Variants in KIR3DL1 observed in about 807,000 individuals in gnomAD.
The protein encoded by KIR3DL1 is killer cell immunoglobulin-like receptor 3DL1.
Under a neutral mutation model 40.3 loss-of-function variants are expected in KIR3DL1, and 50 were observed. The observed-to-expected ratio is 1.24, with a 90% CI of 0.99 to 1.57. The LOEUF is 1.57. KIR3DL1 is among the 40% of genes most tolerant of loss of function. The pLI is 0.00. For synonymous variants in KIR3DL1, 257 were observed against 207.2 expected, an observed-to-expected ratio of 1.24 and a Z score of -2.07; for missense variants, 661 against 559.9, an observed-to-expected ratio of 1.18 and a Z score of -1.82.
chr19:54,829,999 A>T lies in KIR3DL1; in HGVS notation c.1158+19A>T. Reference sequence around the variant, plus strand: ...CAGCGAGGTAGGTGCTCCTCGGCCCAGCCTCGTGGCTAGTGTTATTCCCAA... The same window carrying T: ...CAGCGAGGTAGGTGCTCCTCGGCCCTGCCTCGTGGCTAGTGTTATTCCCAA... On this transcript the variant is annotated intron_variant, in intron 8 of 8. Coordinates refer to ENST00000391728, the Ensembl canonical transcript of KIR3DL1. 6.5e-7 allele frequency: 1 copy of T among 1,528,980 alleles called. No individual in the cohort carries two copies. The allele number at this position is 1,528,980 out of a possible 1,614,324, so 94.7% of individuals were successfully genotyped here.
exon 9 of KIR3DL1, chr19:54,830,243 A>C: frequency 6.6e-7 from 1 of 1,512,930 alleles, no homozygotes. Flanking sequence ...TCCAAATGCT[A>C]AGCCCAGATC....
intron 5 of KIR3DL1, among the ~76,000 whole-genome samples, chr19:54,822,560 A>C (rs587848): frequency 0.19 from 27,902 of 149,640 alleles, 3,112 homozygotes; most frequent in South Asian, 0.32. Flanking sequence ...CCCAGGAGGC[A>C]GAGGTTGCAC....
chr19:54,821,887 C>T, intron 5 of KIR3DL1, 29 bp downstream of exon 5: 2 of 1,587,356 alleles, frequency 1.3e-6, no homozygotes, highest in South Asian at 1.1e-5. Flanking sequence ...TCTCTCATGT[C>T]CTATGATCCT....
Position 54,830,112 on chromosome 19 carries a change from A to T in KIR3DL1, c.1172A>T (p.Gln391Leu). The T allele has an allele frequency of 2.0e-6, 3 of 1,523,870 alleles. 1 individual carries two copies. Among genetic ancestry groups the T allele is most frequent in the Non-Finnish European group, 2.7e-6 (3 of 1,122,572 alleles). 94.4% of individuals were successfully genotyped at this position (1,523,870 alleles called of 1,614,324 possible). The change falls in exon 9 of 9, where the codon CAA (glutamine) becomes CTA (leucine). Residue 391 changes from glutamine to leucine, a missense_variant. Coordinates refer to ENST00000391728, the Ensembl canonical transcript of KIR3DL1. ...CCCTCTCTCCAGGACTCTGATGAACAAGACCCTGAGGAGGTGACATACGCA... is the reference window on the plus strand; with the variant it reads ...CCCTCTCTCCAGGACTCTGATGAACTAGACCCTGAGGAGGTGACATACGCA...
intron 4 of KIR3DL1, among the ~76,000 whole-genome samples, chr19:54,820,370 C>CT (rs1416805364): frequency 6.6e-6 from 1 of 151,284 alleles, no homozygotes; most frequent in African/African-American, 2.4e-5. Context: ...ACAAAGTGTT[C>CT]CTACCAGAAG....
At position 54,824,743 on chromosome 19, in the gene KIR3DL1, A is replaced by G. The variant is rs1438626946; in HGVS notation, c.950-285A>G. On this transcript the variant is annotated intron_variant, in intron 5 of 8. Transcript: ENST00000391728. ...ATATCTGTGTTCTCCATTCTGTTTC[A>G]TTTTTTATGTGCCTTTCTTTATGCC... 1.3e-5 allele frequency among the ~76,000 whole-genome samples: 2 copies of G among 149,592 alleles called. 1 individual carries two copies. Among genetic ancestry groups the G allele is most frequent in the African/African-American group, 5.0e-5 (2 of 40,290 alleles).
exon 9 of KIR3DL1, chr19:54,830,349 C>T: frequency 2.8e-6 from 4 of 1,412,948 alleles, no homozygotes; most frequent in South Asian, 2.6e-5. Flanking sequence ...TGCCAGCTCC[C>T]ATGTACCAGC....
At chr19:54,818,789 C>T (rs947293384) in intron 3 of KIR3DL1, among the ~76,000 whole-genome samples, 190 bp downstream of exon 3, 1 of 150,864 alleles carries the variant, frequency 6.6e-6, no homozygotes, top group African/African-American at 2.5e-5. Flanking sequence ...CATTGTAATC[C>T]CTGGAGCCTG....
rs1335065961 is a variant in KIR3DL1, at chr19:54,830,208, C to G, written c.1268C>G (p.Thr423Arg). ...TCTCAGAGGCCCAAGACACCCCCTACAGATACCATCTTGTACACGGAACTT... is the reference window on the plus strand; with the variant it reads ...TCTCAGAGGCCCAAGACACCCCCTAGAGATACCATCTTGTACACGGAACTT... Residue 423 changes from threonine (T) to arginine (R), a missense_variant, in exon 9 of 9, where the codon ACA (threonine) becomes AGA (arginine). Physicochemically the swap from Thr to Arg is moderately conservative, Grantham distance 71. Coordinates refer to ENST00000391728, the Ensembl canonical transcript of KIR3DL1. 2.2e-5 allele frequency: 34 copies of G among 1,524,166 alleles called. 7 individuals are homozygous for G. The highest frequency in any genetic ancestry group is 2.8e-5 in the Non-Finnish European group (32 of 1,122,896). The allele number at this position is 1,524,166 out of a possible 1,614,324, so 94.4% of individuals were successfully genotyped here.
chr19:54,818,767 C>T (rs2061487008), intron 3 of KIR3DL1, among the ~76,000 whole-genome samples, 168 bp downstream of exon 3: 2 of 150,932 alleles, frequency 1.3e-5, no homozygotes. Flanking sequence ...TCACTGTCCC[C>T]AATGATGGCT....
intron 5 of KIR3DL1, among the ~76,000 whole-genome samples, chr19:54,823,782 G>T (rs1170849854): frequency 6.6e-6 from 1 of 151,518 alleles, no homozygotes; most frequent in Non-Finnish European, 1.5e-5. Flanking sequence ...GTGAGCCACC[G>T]GCCTAAAAGG....
At chr19:54,818,488 A>G (rs1327227830) in exon 3 of KIR3DL1, 1 of 1,610,594 alleles carries the variant, frequency 6.2e-7, no homozygotes, top group Admixed American at 1.7e-5. Context: ...GAGCTTCAAC[A>G]TGAGCCCTGT....
intron 1 of KIR3DL1, among the ~76,000 whole-genome samples, chr19:54,816,856 C>A (rs1156752351): frequency 9.2e-6 from 1 of 108,284 alleles, no homozygotes; most frequent in Non-Finnish European, 1.8e-5. Flanking sequence ...GAGTGATGGG[C>A]CTAGAAGTGG....
intron 2 of KIR3DL1, among the ~76,000 whole-genome samples, chr19:54,817,841 AG>A (rs1222282865): frequency 6.7e-6 from 1 of 148,618 alleles, no homozygotes; most frequent in Non-Finnish European, 1.5e-5. Context: ...AAGCAGTGCT[AG>A]GAACAGCAGG....
At chr19:54,819,600 G>A (rs537060161) in intron 3 of KIR3DL1, 113 bp from the exon 4 acceptor site, 13,545 of 1,272,614 alleles carry the variant, frequency 0.011, 267 homozygotes, top group South Asian at 0.011. Context: ...ACACGGAGAT[G>A]CAGAGAGGGA....
chr19:54,816,670 A>G (rs4806449), intron 1 of KIR3DL1, 136 bp downstream of exon 1: 36,289 of 1,343,510 alleles, frequency 0.027, 1,255 homozygotes, highest in East Asian at 0.1. Context: ...CTGGGCCTGG[A>G]GTGGAGATCT....
intron 6 of KIR3DL1, among the ~76,000 whole-genome samples, chr19:54,828,548 G>A (rs1241472415): frequency 4.6e-5 from 7 of 151,034 alleles, no homozygotes; most frequent in Non-Finnish European, 8.8e-5. Flanking sequence ...GAGACATGTG[G>A]AGTCACCCCA....
chr19:54,830,423 G>A, exon 9 of KIR3DL1: 1 of 986,760 alleles, frequency 1.0e-6, no homozygotes. Context: ...CCACAAATCT[G>A]GTGCCTCTCT....
intron 3 of KIR3DL1, among the ~76,000 whole-genome samples, chr19:54,819,016 G>A (rs59403072): frequency 0.27 from 39,789 of 150,044 alleles, 5,894 homozygotes; most frequent in Non-Finnish European, 0.32. Flanking sequence ...GAAGGTGGAG[G>A]AAGACCACTA....
Sources: gnomAD v4.1 joint callset for allele counts (sites outside exome capture counted in the v4.1 genomes callset) on GRCh38, gnomAD v4.1.1 for gene constraint, MANE v1.5 for transcripts, NCBI Gene and HGNC (gene_info 2026-07-23, HGNC 2026-07-21) for gene names.